The following BNC2 variants were observed in gnomAD, a reference collection of about 807,000 sequenced individuals.
BNC2 encodes zinc finger protein basonuclin-2.
In BNC2, 20 loss-of-function variants were observed where a neutral mutation model predicts 76.3. The observed-to-expected ratio is 0.26, with a 90% CI of 0.18 to 0.38. The LOEUF (loss-of-function observed/expected upper bound fraction) is 0.38, where lower values mean the gene tolerates loss of function less well. BNC2 is among the 10% of genes least tolerant of loss of function. The pLI is 1.00. For missense variants in BNC2, 1,382 were observed against 1,399.8 expected (o/e 0.99, Z 0.20); for synonymous variants, 582 against 514.8 (o/e 1.13, Z -1.77).
chr9:16,683,631 G>A (rs1205087510), intron 3 of BNC2, among the ~76,000 whole-genome samples: 1 of 152,180 alleles, frequency 6.6e-6, no homozygotes, highest in African/African-American at 2.4e-5. Context: ...CACATGACAT[G>A]GCAAGAATGA....
intron 6 of BNC2, among the ~76,000 whole-genome samples, chr9:16,422,031 C>T (rs974907850): frequency 5.3e-5 from 8 of 152,154 alleles, no homozygotes; most frequent in Non-Finnish European, 1.0e-4. Context: ...TCAAGACACA[C>T]TGAATAAGGA....
intron 3 of BNC2, among the ~76,000 whole-genome samples, chr9:16,686,991 A>G (rs1438554234): frequency 2.0e-5 from 3 of 152,110 alleles, no homozygotes; most frequent in Non-Finnish European, 4.4e-5. Context: ...TGCGCGAGTC[A>G]CTATGTGGGG....
At chr9:16,516,087 G>T (rs1032877282) in intron 5 of BNC2, among the ~76,000 whole-genome samples, 25 of 152,316 alleles carry the variant, frequency 1.6e-4, no homozygotes, top group Non-Finnish European at 2.8e-4. Context: ...TGCTTGAGCT[G>T]AGCCACTGTT....
At chr9:16,819,006 C>A (rs187320849) in intron 1 of BNC2, among the ~76,000 whole-genome samples, 70 of 152,278 alleles carry the variant, frequency 4.6e-4, no homozygotes, top group Admixed American at 2.5e-3. Context: ...CATCTCTTAT[C>A]CCCATCAGAA....
chr9:16,765,782 A>ATT (rs762499077), intron 1 of BNC2, among the ~76,000 whole-genome samples: 2 of 134,806 alleles, frequency 1.5e-5, no homozygotes, highest in Non-Finnish European at 1.6e-5. Context: ...CACTCTCGTA[A>ATT]TTTTTTTTTT....
At chr9:16,844,465 G>A (rs1365595718) in intron 1 of BNC2, among the ~76,000 whole-genome samples, 4 of 148,740 alleles carry the variant, frequency 2.7e-5, no homozygotes, top group South Asian at 2.1e-4. Context: ...GGGAGCAAGA[G>A]TAGTATTTTT....
intron 4 of BNC2, among the ~76,000 whole-genome samples, chr9:16,553,568 C>CT (rs1818730204): frequency 6.6e-6 from 1 of 152,072 alleles, no homozygotes; most frequent in Admixed American, 6.5e-5. Context: ...AAATGACAAA[C>CT]CAACATTTGA....
chr9:16,695,129 TAAGAA>T (rs778005310), intron 3 of BNC2, among the ~76,000 whole-genome samples: 2 of 152,200 alleles, frequency 1.3e-5, no homozygotes, highest in African/African-American at 2.4e-5. Flanking sequence ...CTTTAGAAGC[TAAGAA>T]GAGAAGCTTA....
intron 3 of BNC2, among the ~76,000 whole-genome samples, chr9:16,718,231 T>C (rs1824047312): frequency 6.6e-6 from 1 of 152,228 alleles, no homozygotes; most frequent in African/African-American, 2.4e-5. Context: ...CTTATTCCCA[T>C]AACACATCTC....
chr9:16,652,331 C>T (rs1821816084), intron 3 of BNC2, among the ~76,000 whole-genome samples: 1 of 152,034 alleles, frequency 6.6e-6, no homozygotes, highest in Admixed American at 6.6e-5. Flanking sequence ...CAAGTAAAAA[C>T]TAACTATAAA....
intron 4 of BNC2, among the ~76,000 whole-genome samples, chr9:16,566,266 G>A (rs1249250461): frequency 1.3e-5 from 2 of 152,088 alleles, no homozygotes; most frequent in Non-Finnish European, 2.9e-5. Context: ...TAATCATACT[G>A]TTGGATGGAT....
At chr9:16,810,466 A>AT (rs1299091561) in intron 1 of BNC2, among the ~76,000 whole-genome samples, 1 of 152,198 alleles carries the variant, frequency 6.6e-6, no homozygotes, top group Non-Finnish European at 1.5e-5. Context: ...CCTCATGTGA[A>AT]TGACAATGAC....
chr9:16,545,231 T>C (rs1818442810), intron 5 of BNC2, among the ~76,000 whole-genome samples: 1 of 152,236 alleles, frequency 6.6e-6, no homozygotes, highest in Admixed American at 6.5e-5. Flanking sequence ...AGAGGTACAG[T>C]GAAATCCAGG....
At chr9:16,714,168 T>C (rs1563911698) in intron 3 of BNC2, among the ~76,000 whole-genome samples, 1 of 152,214 alleles carries the variant, frequency 6.6e-6, no homozygotes, top group Non-Finnish European at 1.5e-5. Context: ...ACCTTTACAT[T>C]ACACCATTCT....
chr9:16,489,384 T>C (rs929481909), intron 5 of BNC2, among the ~76,000 whole-genome samples: 1 of 152,106 alleles, frequency 6.6e-6, no homozygotes, highest in South Asian at 2.1e-4. Flanking sequence ...AGGTTTATAG[T>C]TTATTATCTA....
At chr9:16,758,581 G>A (rs560815613) in intron 1 of BNC2, among the ~76,000 whole-genome samples, 14 of 152,126 alleles carry the variant, frequency 9.2e-5, no homozygotes, top group Middle Eastern at 6.8e-3. Flanking sequence ...TGTCCACCTC[G>A]GCCTCCCAAG....
chr9:16,781,135 C>A (rs963289013), intron 1 of BNC2, among the ~76,000 whole-genome samples: 1 of 151,962 alleles, frequency 6.6e-6, no homozygotes, highest in African/African-American at 2.4e-5. Context: ...TGCAAAACGA[C>A]ATTACCCTTC....
At position 16,503,395 on chromosome 9, in the gene BNC2, C is replaced by T. The variant is rs74606932; in HGVS notation, c.669+49135G>A. Reference sequence around the variant, plus strand: ...TCCTGTGCCTACTCTAATTCATGCCCTCACAATCCATCTAACTTTTTTTTT... The same window carrying T: ...TCCTGTGCCTACTCTAATTCATGCCTTCACAATCCATCTAACTTTTTTTTT... On this transcript the variant is annotated intron_variant, in intron 5 of 6. Transcript: ENST00000380672. Among the ~76,000 whole-genome samples, 80 of 152,132 alleles carry T rather than the reference C, an allele frequency of 5.3e-4. 1 individual carries two copies. Among genetic ancestry groups the T allele is most frequent in the African/African-American group, 1.6e-3 (65 of 41,440 alleles).
Position 16,412,720 on chromosome 9 carries a change from G to GGAGAGAGAGAGAGAGAGAGAGA in BNC2, c.*6247_*6268dup, listed in dbSNP as rs58174243. 11 of 119,952 alleles carry GGAGAGAGAGAGAGAGAGAGAGA rather than the reference G, an allele frequency of 9.2e-5. No homozygotes were observed. Among genetic ancestry groups the GGAGAGAGAGAGAGAGAGAGAGA allele is most frequent in the Admixed American group, 1.8e-4 (2 of 11,192 alleles). 7.4% of individuals were successfully genotyped at this position (119,952 alleles called of 1,614,324 possible). A position where few individuals can be genotyped will look rare whatever the true frequency, so the allele number is the denominator to read the frequency against. ...AATAAGAGGGAAGGAGAGAGAGAGG[G>GGAGAGAGAGAGAGAGAGAGAGA]GAGAGAGAGAGAGAGAGAGAGAGAG... On this transcript the variant is annotated 3_prime_UTR_variant, in exon 7 of 7. Transcript: ENST00000380672.
Sources: allele counts gnomAD v4.1 joint callset (sites outside exome capture counted in the v4.1 genomes callset), GRCh38; gene constraint gnomAD v4.1.1; transcripts MANE v1.5; gene names NCBI Gene and HGNC (gene_info 2026-07-23, HGNC 2026-07-21).